Variants in THBS2 observed in about 807,000 individuals in gnomAD.
THBS2 encodes thrombospondin 2.
A neutral mutation model predicts 135.2 loss-of-function variants in THBS2; 47 were observed. That is an observed-to-expected ratio of 0.35 (90% CI 0.28 to 0.44). The LOEUF is 0.44. THBS2 is among the 20% of genes least tolerant of loss of function. The probability of loss-of-function intolerance (pLI) is 1.00; values close to 1 mark genes in which losing one functional copy is unlikely to be tolerated. For synonymous variants in THBS2, 639 were observed against 633.8 expected (o/e 1.01, Z -0.12); for missense variants, 1,288 against 1,603.1 (o/e 0.80, Z 3.36).
chr6:169,228,074 C>CAA (rs11284439), intron 15 of THBS2, 48 bp downstream of exon 15: 984 of 1,425,670 alleles, frequency 6.9e-4, no homozygotes, highest in South Asian at 1.4e-3. Flanking sequence ...AACTCCATCT[C>CAA]AAAAAAAAAA....
intron 21 of THBS2, 71 bp downstream of exon 21, chr6:169,220,126 GC>G: frequency 1.9e-6 from 3 of 1,548,332 alleles, no homozygotes; most frequent in Non-Finnish European, 2.6e-6. Context: ...AAGTGGAAGA[GC>G]GCACTGTGTA....
chr6:169,219,348 A>ATGGATGGATGAGG (rs1779333527), intron 21 of THBS2, among the ~76,000 whole-genome samples: 1 of 113,914 alleles, frequency 8.8e-6, no homozygotes, highest in Non-Finnish European at 1.9e-5. Context: ...GGGTGGATGG[A>ATGGATGGATGAGG]TGGATGGTTG....
chr6:169,219,291 TTGGG>T (rs1210904537), intron 21 of THBS2, among the ~76,000 whole-genome samples: 1 of 117,826 alleles, frequency 8.5e-6, no homozygotes, highest in Non-Finnish European at 1.7e-5. Context: ...GATGAGATAG[TTGGG>T]TGGATGGGTG....
chr6:169,227,683 CTGAA>C (rs1779686802), intron 15 of THBS2, among the ~76,000 whole-genome samples: 1 of 152,152 alleles, frequency 6.6e-6, no homozygotes, highest in South Asian at 2.1e-4. Flanking sequence ...ATGGGAATAA[CTGAA>C]TGAATCATTT....
At chr6:169,221,729 G>C (rs1193527685) in intron 19 of THBS2, among the ~76,000 whole-genome samples, 2 of 152,164 alleles carry the variant, frequency 1.3e-5, no homozygotes. Context: ...TCAGGGCTGA[G>C]AGCCAAGGCA....
At chr6:169,227,039 CCA>C (rs1779653141) in intron 15 of THBS2, among the ~76,000 whole-genome samples, 1 of 152,200 alleles carries the variant, frequency 6.6e-6, no homozygotes, top group Non-Finnish European at 1.5e-5. Flanking sequence ...AGCCCCCTGG[CCA>C]CCACGAGCCC....
chr6:169,231,233 C>T (rs2114992683), intron 13 of THBS2, among the ~76,000 whole-genome samples: 1 of 152,288 alleles, frequency 6.6e-6, no homozygotes, highest in Non-Finnish European at 1.5e-5. Context: ...CACAGGTGTT[C>T]TTATCAAAGA....
At position 169,252,134 on chromosome 6, in the gene THBS2, G is replaced by C. The variant is rs1780777046; in HGVS notation, c.-22-1328C>G. 1.3e-5 allele frequency: 2 copies of C among 152,212 alleles called. No homozygotes were observed. Among genetic ancestry groups the C allele is most frequent in the Admixed American group, 6.5e-5 (1 of 15,284 alleles). The allele number at this position is 152,212 out of a possible 1,614,324, so 9.4% of individuals were successfully genotyped here. ...TTAGCCCAGCGAGCCACAGGCATGGGTTACCGGAGCAGAATGTGCCTCTGG... is the reference window on the plus strand; with the variant it reads ...TTAGCCCAGCGAGCCACAGGCATGGCTTACCGGAGCAGAATGTGCCTCTGG... On this transcript the variant is annotated intron_variant, in intron 1 of 21. Coordinates refer to ENST00000617924, the MANE Select transcript of THBS2 (RefSeq NM_003247.5). The surrounding 1 kb of genome is among the most constrained non-coding windows in gnomAD (Gnocchi z 4.3).
At chr6:169,246,012 A>G (rs1780543295) in intron 4 of THBS2, 185 bp downstream of exon 4, 1 of 445,530 alleles carries the variant, frequency 2.2e-6, no homozygotes, top group East Asian at 3.1e-5. Context: ...TATTATTTTC[A>G]GATATCAACA....
intron 21 of THBS2, 57 bp from the exon 22 acceptor site, chr6:169,217,886 G>T (rs1779233120): frequency 6.5e-7 from 1 of 1,537,262 alleles, no homozygotes; most frequent in South Asian, 1.2e-5. Context: ...CATGGGTAGT[G>T]ATTTATTTTG....
chr6:169,222,569 C>T, intron 18 of THBS2, 101 bp from the exon 19 acceptor site: 2 of 1,300,894 alleles, frequency 1.5e-6, no homozygotes, highest in Non-Finnish European at 1.1e-6. Context: ...CCGAGGTGGG[C>T]AGATCACCTG....
At chr6:169,246,775 T>G (rs1780568648) in intron 3 of THBS2, among the ~76,000 whole-genome samples, 1 of 152,296 alleles carries the variant, frequency 6.6e-6, no homozygotes, top group Non-Finnish European at 1.5e-5. Flanking sequence ...GGTATGGAAC[T>G]CCTGGACACC....
intron 2 of THBS2, 46 bp from the exon 3 acceptor site, chr6:169,249,019 G>A: frequency 6.5e-7 from 1 of 1,546,546 alleles, no homozygotes; most frequent in Non-Finnish European, 8.8e-7. Flanking sequence ...GGGGAAGAGG[G>A]CGAGGTTGGC....
Position 169,223,331 on chromosome 6 carries a change from G to T in THBS2, c.2918C>A (p.Thr973Asn), listed in dbSNP as rs1779500927. Residue 973 changes from threonine (T) to asparagine (N), a missense_variant, in exon 18 of 22, where the codon ACC (threonine) becomes AAC (asparagine). Thr to Asn is a moderately conservative substitution (Grantham distance 65, BLOSUM62 0). Around this residue, in one of 2 missense-constraint regions of THBS2, gnomAD observed 874 missense variants for 1,156.1 expected, o/e 0.76. Transcript: ENST00000617924. ...QMVPLDPKGTTQIDPNWVIRH... is the reference protein window; with the variant it reads ...QMVPLDPKGTNQIDPNWVIRH... ...AATGACCCAGTTGGGATCAATTTGG[G>T]TGGTCCCTTTGGGATCCAAGGGGAC... The T allele has an allele frequency of 6.2e-7, 1 of 1,614,060 alleles. No individual in the cohort carries two copies. The highest frequency in any genetic ancestry group is 1.3e-5 in the African/African-American group (1 of 74,918).
chr6:169,238,336 G>A (rs939678495), intron 7 of THBS2, among the ~76,000 whole-genome samples: 3 of 152,166 alleles, frequency 2.0e-5, no homozygotes, highest in Non-Finnish European at 4.4e-5. Context: ...AATCACAGCC[G>A]CTAAATGGGG....
At chr6:169,253,591 G>T (rs899878345) in intron 1 of THBS2, 133 bp downstream of exon 1, 1 of 152,218 alleles carries the variant, frequency 6.6e-6, no homozygotes, top group African/African-American at 2.4e-5. Flanking sequence ...AGTGTTAATA[G>T]ATACACCACC....
intron 13 of THBS2, 49 bp from the exon 14 acceptor site, chr6:169,229,728 C>G: frequency 1.3e-6 from 2 of 1,487,972 alleles, no homozygotes; most frequent in South Asian, 1.1e-5. Context: ...AGGAAAGCGC[C>G]TCTTTCAGGA....
In THBS2 at chr6:169,232,177, A is replaced by G. The variant is rs1779862112; in HGVS notation, c.1954T>C (p.Cys652Arg). 6.2e-7 allele frequency: 1 copy of G among 1,613,690 alleles called. No individual in the cohort carries two copies. Among genetic ancestry groups the G allele is most frequent in the African/African-American group, 1.3e-5 (1 of 74,912 alleles). Residue 652 changes from cysteine (C) to arginine (R), a missense_variant, in exon 13 of 22, where the codon TGC becomes CGC. This residue lies in a region of THBS2 where 874 missense variants were observed against 1,156.1 expected (regional missense o/e 0.76). Transcript: ENST00000617924. ...TGGCAGTTGTGTGTCTTGTCCTTGCATGGGTTTTCGGGCTCACACACCTAC... is the reference window on the plus strand; with the variant it reads ...TGGCAGTTGTGTGTCTTGTCCTTGCGTGGGTTTTCGGGCTCACACACCTAC... ...EKQVCEPENP[C>R]KDKTHNCHKH... is the part of the protein sequence containing the mutation.
intron 4 of THBS2, among the ~76,000 whole-genome samples, chr6:169,242,426 T>C (rs57184828): frequency 0.011 from 1,646 of 152,042 alleles, 20 homozygotes; most frequent in Non-Finnish European, 0.018. Flanking sequence ...TTCATCCTTT[T>C]TTTTTCATCC....
Sources: gnomAD v4.1 joint callset for allele counts (sites outside exome capture counted in the v4.1 genomes callset) on GRCh38, gnomAD v4.1.1 for gene constraint, gnomAD v4.1.1 regional missense constraint, Gnocchi (gnomAD v3.1) non-coding constraint, MANE v1.5 for transcripts, NCBI Gene and HGNC (gene_info 2026-07-23, HGNC 2026-07-21) for gene names.